HIVEP2: variants seen among roughly 807,000 people sequenced by gnomAD.
HIVEP2 encodes transcription factor HIVEP2.
HIVEP2 carries 14 observed loss-of-function variants against 180.7 expected under a neutral mutation model. That is an observed-to-expected ratio of 0.08 (90% CI 0.05 to 0.12). HIVEP2 has a LOEUF of 0.12. Ranked by LOEUF, HIVEP2 falls within the 10% of genes least tolerant of loss-of-function variation. HIVEP2 has a pLI of 1.00. For missense variants in HIVEP2, 2,579 were observed against 3,008.5 expected (o/e 0.86, Z 3.34); for synonymous variants, 1,184 against 1,136.4 (o/e 1.04, Z -0.84).
At chr6:142,799,630 C>A (rs1582870668) in intron 2 of HIVEP2, among the ~76,000 whole-genome samples, 2 of 152,164 alleles carry the variant, frequency 1.3e-5, no homozygotes, top group African/African-American at 4.8e-5. Flanking sequence ...AAAATCAACA[C>A]CTGCTGAAAG....
At chr6:142,941,528 T>C (rs1778181566) in intron 1 of HIVEP2, among the ~76,000 whole-genome samples, 1 of 152,242 alleles carries the variant, frequency 6.6e-6, no homozygotes, top group African/African-American at 2.4e-5. Context: ...TTTAATCCTC[T>C]GTGTTCATCC....
At chr6:142,862,820 TTA>T (rs1211272536) in intron 1 of HIVEP2, among the ~76,000 whole-genome samples, 1 of 134,132 alleles carries the variant, frequency 7.5e-6, no homozygotes, top group East Asian at 2.1e-4. Flanking sequence ...ATATATATTT[TTA>T]TATAATATAT....
Position 142,777,014 on chromosome 6 carries a change from G to A in HIVEP2, c.-432-823C>T, listed in dbSNP as rs555656835. Reference sequence around the variant, plus strand: ...TTAAGTGAATACTCAACTTCCTTAGGGGAGTGTTCAATGAGGTACCCAGAG... The same window carrying A: ...TTAAGTGAATACTCAACTTCCTTAGAGGAGTGTTCAATGAGGTACCCAGAG... On this transcript the variant is annotated intron_variant, in intron 3 of 9. Coordinates refer to ENST00000367603, the MANE Select transcript of HIVEP2 (RefSeq NM_006734.4). Among the ~76,000 whole-genome samples the A allele has an allele frequency of 1.5e-4, 23 of 152,190 alleles. No individual in the cohort carries two copies. The South Asian group carries it at 4.6e-3, about 30-fold the overall frequency.
Position 142,770,316 on chromosome 6 carries a change from C to T in HIVEP2, c.4423G>A (p.Ala1475Thr), listed in dbSNP as rs1323717497. 6.2e-7 allele frequency: 1 copy of T among 1,614,188 alleles called. No homozygotes were observed. Among genetic ancestry groups the T allele is most frequent in the Non-Finnish European group, 8.5e-7 (1 of 1,180,046 alleles). ...ATGTCTGAGTTGGTCAGCTCCACAG[C>T]ACTAAGCTCCTCCACAATCTGTCCG... ...MYGQIVEELS[A>T]VELTNSDIKK... The change falls in exon 5 of 10, where the codon GCT becomes ACT. Residue 1475 changes from alanine (A) to threonine (T), a missense_variant. Around this residue, in one of 11 missense-constraint regions of HIVEP2, gnomAD observed 29 missense variants for 64.7 expected, o/e 0.45. Coordinates refer to ENST00000367603, the MANE Select transcript of HIVEP2 (RefSeq NM_006734.4). The surrounding 1 kb of genome is among the most constrained non-coding windows in gnomAD (Gnocchi z 4.7).
Position 142,772,514 on chromosome 6 carries a change from A to T in HIVEP2, c.2225T>A (p.Phe742Tyr). 1 of 1,614,106 alleles carries T rather than the reference A, an allele frequency of 6.2e-7. No homozygotes were observed. The highest frequency in any genetic ancestry group is 2.2e-5 in the East Asian group (1 of 44,876). The stretch of plus-strand genomic sequence containing the variant: ...AAGGTTTTCGTGTCCAGCCATGGCA[A>T]ATCCACTCCTGACTCCTTCCTGCAT... ...LQMQEGVRSG[F>Y]AMAGHENLSH... The change falls in exon 5 of 10, where the codon TTT becomes TAT. Residue 742 changes from phenylalanine (F) to tyrosine (Y), a missense_variant. By Grantham distance (22) the Phe-to-Tyr change is conservative (BLOSUM62 3). Around this residue, in one of 11 missense-constraint regions of HIVEP2, gnomAD observed 524 missense variants for 563.6 expected, o/e 0.93. Coordinates refer to ENST00000367603, the MANE Select transcript of HIVEP2 (RefSeq NM_006734.4). The surrounding 1 kb of genome is among the most constrained non-coding windows in gnomAD (Gnocchi z 4.9).
intron 1 of HIVEP2, among the ~76,000 whole-genome samples, chr6:142,910,714 A>C (rs2128429439): frequency 6.6e-6 from 1 of 152,370 alleles, no homozygotes; most frequent in East Asian, 1.9e-4. Context: ...AGTACAGTCC[A>C]TAGAAATGGT....
intron 2 of HIVEP2, among the ~76,000 whole-genome samples, chr6:142,793,648 C>CTT (rs1345352201): frequency 8.1e-5 from 3 of 37,208 alleles, no homozygotes; most frequent in East Asian, 3.6e-3. Flanking sequence ...TTCTTTCTTT[C>CTT]TTTCTTTCTT....
intron 2 of HIVEP2, among the ~76,000 whole-genome samples, chr6:142,790,653 G>C (rs1776115605): frequency 6.6e-6 from 1 of 152,110 alleles, no homozygotes; most frequent in Non-Finnish European, 1.5e-5. Flanking sequence ...TTTTACTCCT[G>C]GGTATGCCAA....
chr6:142,779,179 G>A (rs1406658859), intron 3 of HIVEP2, among the ~76,000 whole-genome samples: 1 of 152,086 alleles, frequency 6.6e-6, no homozygotes, highest in African/African-American at 2.4e-5. Flanking sequence ...GATCCTCTGG[G>A]CCCTGCTTCC....
chr6:142,875,146 A>G (rs1305957930), intron 1 of HIVEP2, among the ~76,000 whole-genome samples: 1 of 152,210 alleles, frequency 6.6e-6, no homozygotes, highest in Non-Finnish European at 1.5e-5. Flanking sequence ...CTTGGGTCAC[A>G]GGTGGCCTGT....
At chr6:142,789,039 A>G (rs1208772789) in intron 2 of HIVEP2, among the ~76,000 whole-genome samples, 1 of 152,202 alleles carries the variant, frequency 6.6e-6, no homozygotes, top group African/African-American at 2.4e-5. Context: ...CTCTATGATT[A>G]TATATACTTT....
intron 2 of HIVEP2, among the ~76,000 whole-genome samples, chr6:142,820,145 A>G (rs1050056406): frequency 6.6e-6 from 1 of 152,182 alleles, no homozygotes; most frequent in Non-Finnish European, 1.5e-5. Flanking sequence ...TGATGGAAAC[A>G]TTGTCATACT....
chr6:142,856,214 A>AG (rs1315182929), intron 1 of HIVEP2, among the ~76,000 whole-genome samples: 1 of 151,944 alleles, frequency 6.6e-6, no homozygotes, highest in African/African-American at 2.4e-5. Context: ...TAAAAAAAAA[A>AG]AGAAAAGGAG....
rs903496606 is a variant in HIVEP2, at chr6:142,924,605, T to C, written c.-641+20494A>G. Among the ~76,000 whole-genome samples the C allele has an allele frequency of 1.4e-4, 21 of 152,220 alleles. 1 individual carries two copies. The highest frequency in any genetic ancestry group is 4.3e-4 in the African/African-American group (18 of 41,454). On this transcript the variant is annotated intron_variant, in intron 1 of 9. Transcript: ENST00000367603. ...CTCCTACTGACCCTAAACAGAACTA[T>C]AGTTTTGGTCACTGCAAAGGCACAA...
chr6:142,760,632 G>A lies in HIVEP2; in HGVS notation c.5656C>T (p.His1886Tyr). 1 of 1,612,098 alleles carries A rather than the reference G, an allele frequency of 6.2e-7. No individual in the cohort carries two copies. The highest frequency in any genetic ancestry group is 8.5e-7 in the Non-Finnish European group (1 of 1,178,968). The change falls in exon 9 of 10, where the codon CAT becomes TAT. Residue 1886 changes from histidine (H) to tyrosine (Y), a missense_variant. Physicochemically the swap from His to Tyr is moderately conservative, Grantham distance 83 (BLOSUM62 2). Transcript: ENST00000367603. ...LEDLHKAAEK[H>Y]SMSSISTDHQ... ...TCAGTTGAAATGCTGGACATGCTAT[G>A]CTTCTCTGCTGCTTTGTGCAAATCT...
chr6:142,757,801 C>A (rs1183097243), intron 9 of HIVEP2, among the ~76,000 whole-genome samples: 1 of 152,222 alleles, frequency 6.6e-6, no homozygotes, highest in East Asian at 1.9e-4. Flanking sequence ...ATCAGATGAA[C>A]TCCCTTAGTC....
At chr6:142,862,361 T>C (rs1177794502) in intron 1 of HIVEP2, among the ~76,000 whole-genome samples, 5 of 150,478 alleles carry the variant, frequency 3.3e-5, no homozygotes, top group Non-Finnish European at 7.4e-5. Flanking sequence ...ATATATGTAA[T>C]ATGTAATACA....
At chr6:142,802,727 G>C (rs776747625) in intron 2 of HIVEP2, among the ~76,000 whole-genome samples, 1 of 152,008 alleles carries the variant, frequency 6.6e-6, no homozygotes, top group Non-Finnish European at 1.5e-5. Context: ...CCTAATAAGG[G>C]AATATCATGG....
At chr6:142,864,548 T>G (rs1309814758) in intron 1 of HIVEP2, among the ~76,000 whole-genome samples, 2 of 152,202 alleles carry the variant, frequency 1.3e-5, no homozygotes, top group Non-Finnish European at 2.9e-5. Context: ...ATATTGTACA[T>G]GCACATAGAG....
Sources: allele counts gnomAD v4.1 joint callset (sites outside exome capture counted in the v4.1 genomes callset), GRCh38; gene constraint gnomAD v4.1.1; regional missense constraint gnomAD v4.1.1; non-coding constraint Gnocchi (gnomAD v3.1); transcripts MANE v1.5; gene names NCBI Gene and HGNC (gene_info 2026-07-23, HGNC 2026-07-21).